The following ONECUT2 variants were observed in gnomAD, a reference collection of about 807,000 sequenced individuals.
ONECUT2 encodes one cut domain family member 2.
Under a neutral mutation model 27.9 loss-of-function variants are expected in ONECUT2, and 10 were observed. The ratio of observed to expected loss-of-function variants is 0.36; its 90% CI spans 0.22 to 0.61. The LOEUF (loss-of-function observed/expected upper bound fraction) is 0.61, where lower values mean the gene tolerates loss of function less well. Among genes scored for constraint, ONECUT2 ranks in the 20% least tolerant of loss-of-function variants. ONECUT2 has a pLI of 0.73. For synonymous variants in ONECUT2, 334 were observed against 315.1 expected (o/e 1.06, Z -0.64); for missense variants, 686 against 721.0 (o/e 0.95, Z 0.56).
rs929859084 is a variant in ONECUT2, at chr18:57,484,622, C to T, written c.*7899C>T. On this transcript the variant is annotated 3_prime_UTR_variant, in exon 2 of 2. Transcript: ENST00000491143. Reference sequence around the variant, plus strand: ...CAGTCCTAGCCATGGCCTCTATCCCCGCTGGGACCTGTCACAGTAAAGACT... The same window carrying T: ...CAGTCCTAGCCATGGCCTCTATCCCTGCTGGGACCTGTCACAGTAAAGACT... 1.3e-5 allele frequency: 2 copies of T among 152,410 alleles called. No individual in the cohort carries two copies. Among genetic ancestry groups the T allele is most frequent in the East Asian group, 3.9e-4 (2 of 5,188 alleles). The allele number at this position is 152,410 out of a possible 1,614,324, so 9.4% of individuals were successfully genotyped here. A position where few individuals can be genotyped will look rare whatever the true frequency, so the allele number is the denominator to read the frequency against.
At chr18:57,470,300 G>C (rs2050346243) in intron 1 of ONECUT2, among the ~76,000 whole-genome samples, 1 of 152,160 alleles carries the variant, frequency 6.6e-6, no homozygotes, top group Non-Finnish European at 1.5e-5. Context: ...ACCCGGTGTT[G>C]AGTTGCTCTT....
At chr18:57,453,622 G>C (rs1191769405) in intron 1 of ONECUT2, among the ~76,000 whole-genome samples, 1 of 500 alleles carries the variant, frequency 2.0e-3, no homozygotes, top group Non-Finnish European at 0.013. Context: ...TTGCAGGCTG[G>C]TTTATTCAGA....
chr18:57,439,835 A>T (rs1020607464), intron 1 of ONECUT2, among the ~76,000 whole-genome samples: 14 of 152,106 alleles, frequency 9.2e-5, no homozygotes, highest in Non-Finnish European at 1.5e-4. Context: ...CTCATAGGTT[A>T]TAGGTTCCCT....
At chr18:57,438,397 C>G (rs991511993) in intron 1 of ONECUT2, among the ~76,000 whole-genome samples, 1 of 152,170 alleles carries the variant, frequency 6.6e-6, no homozygotes, top group Non-Finnish European at 1.5e-5. Context: ...TCTTGGGATG[C>G]GCGCGGTTCC....
chr18:57,467,532 A>T (rs1598941189), intron 1 of ONECUT2, among the ~76,000 whole-genome samples: 1 of 151,350 alleles, frequency 6.6e-6, no homozygotes, highest in East Asian at 2.0e-4. Flanking sequence ...CACTTGGCTA[A>T]TTTTTTTTAT....
At chr18:57,447,266 C>A (rs3786480) in intron 1 of ONECUT2, among the ~76,000 whole-genome samples, 2 of 152,158 alleles carry the variant, frequency 1.3e-5, no homozygotes, top group Non-Finnish European at 2.9e-5. Context: ...TGCCTCCACG[C>A]CCCGGCGCAG....
chr18:57,461,411 A>G (rs767762954), intron 1 of ONECUT2, among the ~76,000 whole-genome samples: 9 of 152,244 alleles, frequency 5.9e-5, no homozygotes, highest in Non-Finnish European at 1.3e-4. Flanking sequence ...GTACATGTAC[A>G]TGCATCCTAA....
chr18:57,457,773 C>CTT (rs1177815388), intron 1 of ONECUT2, among the ~76,000 whole-genome samples: 3 of 152,094 alleles, frequency 2.0e-5, no homozygotes, highest in Non-Finnish European at 1.5e-5. Flanking sequence ...ACATATACAC[C>CTT]ATGGAATACT....
intron 1 of ONECUT2, among the ~76,000 whole-genome samples, chr18:57,460,602 T>C (rs1027936951): frequency 6.6e-6 from 1 of 152,058 alleles, no homozygotes; most frequent in Non-Finnish European, 1.5e-5. Context: ...CACTTTTCCA[T>C]AGGAATTATA....
chr18:57,483,000 G>T lies in ONECUT2; in HGVS notation c.*6277G>T, dbSNP rs1404853203. 1 of 152,150 alleles carries T rather than the reference G, an allele frequency of 6.6e-6. No individual in the cohort carries two copies. Among genetic ancestry groups the T allele is most frequent in the East Asian group, 1.9e-4 (1 of 5,170 alleles). The allele number at this position is 152,150 out of a possible 1,614,324, so 9.4% of individuals were successfully genotyped here. On this transcript the variant is annotated 3_prime_UTR_variant, in exon 2 of 2. Transcript: ENST00000491143. ...ATAAACTCAACTTTCAAGAAATCTT[G>T]TATATTATTTAATCATCTGTGTTAG...
rs2050179600 is a variant in ONECUT2 at position 57,442,250 on chromosome 18, T to TG, written c.1228+5306_1228+5307insG. Among the ~76,000 whole-genome samples the TG allele has an allele frequency of 2.0e-5, 3 of 151,450 alleles. 1 individual carries two copies. Among genetic ancestry groups the TG allele is most frequent in the South Asian group, 4.2e-4 (2 of 4,802 alleles). On this transcript the variant is annotated intron_variant, in intron 1 of 1. Transcript: ENST00000491143. The stretch of plus-strand genomic sequence containing the variant: ...TGAGAACTAATTCTTCTGGGTTTTT[T>TG]TTTTTTTTTTTTGAAATTATGAATC...
chr18:57,451,314 C>T (rs2050228961), intron 1 of ONECUT2, among the ~76,000 whole-genome samples: 1 of 152,172 alleles, frequency 6.6e-6, no homozygotes, highest in African/African-American at 2.4e-5. Flanking sequence ...ACTAGGTAAG[C>T]AATTGACCTG....
At chr18:57,462,536 GCAC>G in intron 1 of ONECUT2, among the ~76,000 whole-genome samples, 1 of 151,816 alleles carries the variant, frequency 6.6e-6, no homozygotes. Context: ...CTATAGGCAT[GCAC>G]CACCACGCTG....
chr18:57,452,674 C>G (rs879609734), intron 1 of ONECUT2, among the ~76,000 whole-genome samples: 7 of 152,228 alleles, frequency 4.6e-5, no homozygotes, highest in Admixed American at 4.6e-4. Flanking sequence ...ATCCACTCAC[C>G]TTGGCCTCCC....
Position 57,435,690 on chromosome 18 carries a change from C to A in ONECUT2, c.-27C>A. The A allele has an allele frequency of 9.4e-7, 1 of 1,067,914 alleles. No individual in the cohort carries two copies. Among genetic ancestry groups the A allele is most frequent in the Non-Finnish European group, 1.1e-6 (1 of 869,734 alleles). The allele number at this position is 1,067,914 out of a possible 1,614,324, so 66.2% of individuals were successfully genotyped here. A position where few individuals can be genotyped will look rare whatever the true frequency, so the allele number is the denominator to read the frequency against. ...GCCCGCCGGCCGCCCCCGCCGCCCC[C>A]GCCGCCCCCGGGCCCTGATGGACTG... On this transcript the variant is annotated 5_prime_UTR_variant, in exon 1 of 2. Coordinates refer to ENST00000491143, the MANE Select transcript of ONECUT2 (RefSeq NM_004852.3).
chr18:57,443,357 T>C (rs1165851244), intron 1 of ONECUT2, among the ~76,000 whole-genome samples: 3 of 152,156 alleles, frequency 2.0e-5, no homozygotes, highest in Admixed American at 2.0e-4. Context: ...CTTCTGACCC[T>C]TTTAGGGACC....
At position 57,480,068 on chromosome 18, in the gene ONECUT2, TTCTGGA is replaced by T. The variant is rs2050408065; in HGVS notation, c.*3346_*3351del. On this transcript the variant is annotated 3_prime_UTR_variant, in exon 2 of 2. Transcript: ENST00000491143. ...AATATAAAGCAGGTTTTGGGGAGAC[TTCTGGA>T]GTCCTGCCCCTAGAGAGCCCCATTG... 1 of 152,234 alleles carries T rather than the reference TTCTGGA, an allele frequency of 6.6e-6. No homozygotes were observed. Among genetic ancestry groups the T allele is most frequent in the Admixed American group, 6.5e-5 (1 of 15,284 alleles). The allele number at this position is 152,234 out of a possible 1,614,324, so 9.4% of individuals were successfully genotyped here. A position where few individuals can be genotyped will look rare whatever the true frequency, so the allele number is the denominator to read the frequency against.
rs9965808 is a variant in ONECUT2 at position 57,458,028 on chromosome 18, G to A, written c.1229-18409G>A. Among the ~76,000 whole-genome samples, 1,235 of 152,256 alleles carry A rather than the reference G, an allele frequency of 8.1e-3. 15 individuals carry two copies. Among genetic ancestry groups the A allele is most frequent in the African/African-American group, 0.028 (1,176 of 41,542 alleles). On this transcript the variant is annotated intron_variant, in intron 1 of 1. Transcript: ENST00000491143. ...AGAAGAAATACCTAATGTAAAAGACGAGTTGATGGGTGCAGCAAACCAACA... is the reference window on the plus strand; with the variant it reads ...AGAAGAAATACCTAATGTAAAAGACAAGTTGATGGGTGCAGCAAACCAACA...
chr18:57,449,568 G>A (rs372507962), intron 1 of ONECUT2, among the ~76,000 whole-genome samples: 23 of 152,234 alleles, frequency 1.5e-4, no homozygotes, highest in Middle Eastern at 3.4e-3. Context: ...TCAGATTATC[G>A]CCAGTGGAGC....
Sources: gnomAD v4.1 joint callset for allele counts (sites outside exome capture counted in the v4.1 genomes callset) on GRCh38, gnomAD v4.1.1 for gene constraint, MANE v1.5 for transcripts, NCBI Gene and HGNC (gene_info 2026-07-23, HGNC 2026-07-21) for gene names.